The following ARHGAP32 variants were observed in gnomAD, a reference collection of about 807,000 sequenced individuals.
The protein encoded by ARHGAP32 is rho GTPase-activating protein 32.
In ARHGAP32, 51 loss-of-function variants were observed where a neutral mutation model predicts 186.5. The observed-to-expected ratio is 0.27, with a 90% CI of 0.22 to 0.35. ARHGAP32 has a LOEUF of 0.35. ARHGAP32 is among the 10% of genes least tolerant of loss of function. ARHGAP32 has a pLI of 1.00. For missense variants in ARHGAP32, 2,186 were observed against 2,623.5 expected, an observed-to-expected ratio of 0.83 and a Z score of 3.64; for synonymous variants, 950 against 964.3, an observed-to-expected ratio of 0.99 and a Z score of 0.27.
chr11:129,072,449 C>G (rs539496732), intron 6 of ARHGAP32, among the ~76,000 whole-genome samples: 1 of 152,222 alleles, frequency 6.6e-6, no homozygotes, highest in South Asian at 2.1e-4. Flanking sequence ...GTAAGGAGCT[C>G]AGAAGTCACT....
intron 11 of ARHGAP32, among the ~76,000 whole-genome samples, chr11:129,017,903 G>C (rs1938426709): frequency 6.6e-6 from 1 of 152,116 alleles, no homozygotes; most frequent in Non-Finnish European, 1.5e-5. Context: ...AACAAGTGTT[G>C]ACCTTTATCA....
intron 7 of ARHGAP32, among the ~76,000 whole-genome samples, chr11:129,065,193 T>C (rs1327774228): frequency 3.9e-5 from 6 of 152,144 alleles, no homozygotes; most frequent in Admixed American, 3.9e-4. Context: ...TGACACTTTC[T>C]ATTTTTGTAC....
intron 1 of ARHGAP32, among the ~76,000 whole-genome samples, chr11:129,234,100 T>A (rs954466583): frequency 6.6e-6 from 1 of 152,124 alleles, no homozygotes; most frequent in Non-Finnish European, 1.5e-5. Flanking sequence ...TGTTTTTAAA[T>A]ATCTCAAAAT....
At chr11:129,083,299 T>C (rs945874100) in intron 6 of ARHGAP32, among the ~76,000 whole-genome samples, 13 of 152,196 alleles carry the variant, frequency 8.5e-5, no homozygotes, top group African/African-American at 2.9e-4. Flanking sequence ...AGCAGCACAA[T>C]TTGCAACTGC....
chr11:129,039,703 G>C (rs1007126811), intron 11 of ARHGAP32, among the ~76,000 whole-genome samples: 1 of 152,128 alleles, frequency 6.6e-6, no homozygotes, highest in Admixed American at 6.5e-5. Context: ...CACGATATGC[G>C]AATTTTATCT....
At chr11:129,192,659 A>G (rs114632373), upstream of ARHGAP32, among the ~76,000 whole-genome samples, 766 of 152,306 alleles carry the variant, frequency 5.0e-3, 8 homozygotes, top group African/African-American at 0.018. Context: ...GCACAGTTAT[A>G]GATCTCACAG....
chr11:128,982,850 C>T (rs1026123560), intron 15 of ARHGAP32, among the ~76,000 whole-genome samples: 11 of 145,428 alleles, frequency 7.6e-5, no homozygotes, highest in Non-Finnish European at 1.6e-4. Flanking sequence ...GTGATCATGC[C>T]ACTGCACTCC....
intron 1 of ARHGAP32, among the ~76,000 whole-genome samples, chr11:129,187,785 T>C (rs1225397382): frequency 6.6e-6 from 1 of 152,178 alleles, no homozygotes; most frequent in African/African-American, 2.4e-5. Flanking sequence ...TTGTAGCTTT[T>C]TGGGCAAAAT....
chr11:129,238,781 A>ACC (rs1313360507), intron 1 of ARHGAP32, among the ~76,000 whole-genome samples: 100 of 133,286 alleles, frequency 7.5e-4, no homozygotes, highest in Non-Finnish European at 1.3e-3. Flanking sequence ...ACACACACAC[A>ACC]CCTCTAACCA....
At chr11:129,198,580 T>C (rs1425711628) in intron 1 of ARHGAP32, among the ~76,000 whole-genome samples, 4 of 151,838 alleles carry the variant, frequency 2.6e-5, no homozygotes, top group Non-Finnish European at 4.4e-5. Flanking sequence ...CTGGCTGCCA[T>C]GTAAGATGTC....
At chr11:129,012,622 G>A (rs542410397) in intron 11 of ARHGAP32, among the ~76,000 whole-genome samples, 14 of 152,156 alleles carry the variant, frequency 9.2e-5, no homozygotes, top group African/African-American at 1.7e-4. Context: ...CATCTGGGAC[G>A]ATCCACACAT....
chr11:129,205,706 G>T (rs1314399523), intron 1 of ARHGAP32, among the ~76,000 whole-genome samples: 1 of 152,068 alleles, frequency 6.6e-6, no homozygotes, highest in Non-Finnish European at 1.5e-5. Flanking sequence ...AAAGTACTTG[G>T]TGAATCTAGG....
Position 129,192,082 on chromosome 11 carries a change from C to T in ARHGAP32, c.116+1G>A. ...AAAGGAACTGTGAATTCCATAATCA[C>T]CTGAACTTCTCTTCCCTTTCTTCCT... On this transcript the variant is annotated splice_donor_variant, in intron 1 of 22. Coordinates refer to ENST00000682385, the MANE Select transcript of ARHGAP32 (RefSeq NM_001378024.1). LOFTEE classifies it high-confidence loss of function. 1 of 1,609,372 alleles carries T rather than the reference C, an allele frequency of 6.2e-7. No homozygotes were observed. Among genetic ancestry groups the T allele is most frequent in the Non-Finnish European group, 8.5e-7 (1 of 1,175,988 alleles).
intron 1 of ARHGAP32, among the ~76,000 whole-genome samples, chr11:129,249,682 C>T (rs1271935028): frequency 6.6e-6 from 1 of 152,062 alleles, no homozygotes; most frequent in Non-Finnish European, 1.5e-5. Context: ...TAAACTAGAT[C>T]AAGTTTATTC....
chr11:129,148,328 A>C (rs1943215375), intron 2 of ARHGAP32, among the ~76,000 whole-genome samples: 1 of 152,246 alleles, frequency 6.6e-6, no homozygotes, highest in South Asian at 2.1e-4. Context: ...CTGAACACAC[A>C]ACCCCACTGG....
At chr11:129,201,590 G>T (rs1339897417) in intron 1 of ARHGAP32, among the ~76,000 whole-genome samples, 1 of 152,054 alleles carries the variant, frequency 6.6e-6, no homozygotes, top group East Asian at 1.9e-4. Context: ...GTATATAATT[G>T]TTAAATAAAA....
At chr11:129,081,530 A>G (rs1376363447) in intron 6 of ARHGAP32, among the ~76,000 whole-genome samples, 1 of 152,152 alleles carries the variant, frequency 6.6e-6, no homozygotes, top group East Asian at 1.9e-4. Context: ...CAATAGACAC[A>G]GCAAAAACAT....
rs541927656 is a variant in ARHGAP32 at position 129,203,521 on chromosome 11, T to TAAA, written c.-4-39097_-4-39095dup. On this transcript the variant is annotated intron_variant, in intron 1 of 6. Transcript: ENST00000525234. ...GAAAACAGGCTACAGTTAATTAAGGTAAAAGTATAGTGTTGAAAATTAGGG... is the reference window on the plus strand; with the variant it reads ...GAAAACAGGCTACAGTTAATTAAGGTAAAAAAAGTATAGTGTTGAAAATTAGGG... Among the ~76,000 whole-genome samples the TAAA allele has an allele frequency of 5.1e-3, 776 of 151,740 alleles. 4 individuals are homozygous for TAAA. The highest frequency in any genetic ancestry group is 0.018 in the African/African-American group (739 of 41,412).
At chr11:129,047,533 T>C (rs1303833898) in intron 10 of ARHGAP32, among the ~76,000 whole-genome samples, 1 of 152,010 alleles carries the variant, frequency 6.6e-6, no homozygotes, top group South Asian at 2.1e-4. Context: ...TTCCTTGCAA[T>C]ATTAACTTCC....
Sources: gnomAD v4.1 joint callset for allele counts (sites outside exome capture counted in the v4.1 genomes callset) on GRCh38, gnomAD v4.1.1 for gene constraint, MANE v1.5 for transcripts, NCBI Gene and HGNC (gene_info 2026-07-23, HGNC 2026-07-21) for gene names.